TMEM67: variants seen among roughly 807,000 people sequenced by gnomAD.
TMEM67 encodes meckelin.
A neutral mutation model predicts 136.6 loss-of-function variants in TMEM67; 124 were observed. The ratio of observed to expected loss-of-function variants is 0.91; its 90% CI spans 0.78 to 1.05. The LOEUF is 1.05. Ranked by LOEUF, TMEM67 falls within the 50% of genes least tolerant of loss-of-function variation. The pLI is 0.00. For synonymous variants in TMEM67, 364 were observed against 390.5 expected, an observed-to-expected ratio of 0.93 and a Z score of 0.80; for missense variants, 1,107 against 1,178.4, an observed-to-expected ratio of 0.94 and a Z score of 0.89.
chr8:93,796,259 A>C (rs898800229), intron 18 of TMEM67, among the ~76,000 whole-genome samples: 2 of 152,188 alleles, frequency 1.3e-5, no homozygotes, highest in Admixed American at 6.5e-5. Flanking sequence ...TTAAAGTCTG[A>C]TGATACATTC....
At chr8:93,774,077 C>T (rs1425044679) in intron 7 of TMEM67, among the ~76,000 whole-genome samples, 1 of 151,474 alleles carries the variant, frequency 6.6e-6, no homozygotes, top group African/African-American at 2.4e-5. Flanking sequence ...CTGGAGTGCA[C>T]AATCTCGACT....
rs1198112249 is a variant in TMEM67 at position 93,809,784 on chromosome 8, G to A, written c.2662-1G>A. On this transcript the variant is annotated splice_acceptor_variant, in intron 25 of 27. Transcript: ENST00000453321. LOFTEE classifies it high-confidence loss of function. Reference sequence around the variant, plus strand: ...AATGATGCTGTCTTTTTCTTTATTAGGTTCATAAGGAAATGGATTACTTTA... The same window carrying A: ...AATGATGCTGTCTTTTTCTTTATTAAGTTCATAAGGAAATGGATTACTTTA... 1.3e-6 allele frequency: 2 copies of A among 1,505,180 alleles called. No individual in the cohort carries two copies. The highest frequency in any genetic ancestry group is 2.8e-5 in the African/African-American group (2 of 72,480). The allele number at this position is 1,505,180 out of a possible 1,614,324, so 93.2% of individuals were successfully genotyped here. A position where few individuals can be genotyped will look rare whatever the true frequency, so the allele number is the denominator to read the frequency against.
chr8:93,798,091 A>G lies in TMEM67; in HGVS notation c.2100+621A>G, dbSNP rs1814701307. Among the ~76,000 whole-genome samples the G allele has an allele frequency of 3.3e-5, 5 of 152,170 alleles. No individual in the cohort carries two copies. The South Asian group carries it at 1.0e-3, about 32-fold the overall frequency. On this transcript the variant is annotated intron_variant, in intron 20 of 27. Transcript: ENST00000453321. ...CTTCATCTTGCAAAACTGAAACTCT[A>G]TACCCCTTAAACAACTCTGTACCCA... is the stretch of plus-strand genomic sequence containing the variant.
chr8:93,802,340 C>T (rs562109770), intron 21 of TMEM67, among the ~76,000 whole-genome samples: 9 of 152,322 alleles, frequency 5.9e-5, no homozygotes, highest in Non-Finnish European at 1.2e-4. Flanking sequence ...TTGGCTAGAA[C>T]TTAATTGCAT....
chr8:93,811,939 C>CAGGAGTTCG (rs1808719396), intron 26 of TMEM67, among the ~76,000 whole-genome samples: 1 of 151,596 alleles, frequency 6.6e-6, no homozygotes, highest in Non-Finnish European at 1.5e-5. Flanking sequence ...CACCTGAGGT[C>CAGGAGTTCG]AGGAGTTCGA....
At chr8:93,755,921 TC>T (rs1385984160) in intron 2 of TMEM67, 55 bp downstream of exon 2, 1 of 932,878 alleles carries the variant, frequency 1.1e-6, no homozygotes, top group Non-Finnish European at 1.7e-6. Context: ...AAGTTAAATA[TC>T]TTTATTTTTC....
intron 20 of TMEM67, among the ~76,000 whole-genome samples, chr8:93,798,292 A>G (rs1161608855): frequency 3.3e-5 from 5 of 152,156 alleles, no homozygotes; most frequent in South Asian, 2.1e-4. Flanking sequence ...CTATGTGTTG[A>G]TTTAGTAGCT....
rs757442751 is a variant in TMEM67, at chr8:93,799,764, G to A, written c.2241+6G>A. 1 of 1,610,292 alleles carries A rather than the reference G, an allele frequency of 6.2e-7. No homozygotes were observed. The highest frequency in any genetic ancestry group is 1.7e-5 in the Admixed American group (1 of 59,996). ...TAGCCATTGGAATTATACAGGTAAG[G>A]AATTATACAGGTAATATTACTTCTA... On this transcript the variant is annotated splice_donor_region_variant and intron_variant, in intron 21 of 27. Coordinates refer to ENST00000453321, the MANE Select transcript of TMEM67 (RefSeq NM_153704.6).
At chr8:93,790,281 C>T (rs559194011) in intron 14 of TMEM67, among the ~76,000 whole-genome samples, 11 of 152,076 alleles carry the variant, frequency 7.2e-5, no homozygotes, top group African/African-American at 2.2e-4. Context: ...TTAAGATTTC[C>T]TCTTTAATAT....
intron 22 of TMEM67, among the ~76,000 whole-genome samples, chr8:93,804,401 ACCT>A (rs1430161242): frequency 8.0e-6 from 1 of 125,108 alleles, no homozygotes; most frequent in Non-Finnish European, 1.6e-5. Flanking sequence ...TGCAACCTTG[ACCT>A]CCTGAGTTCA....
rs746707583 is a variant in TMEM67, at chr8:93,786,217, T to C, written c.1289-6T>C. The C allele has an allele frequency of 2.5e-6, 4 of 1,613,290 alleles. No homozygotes were observed. The South Asian group carries it at 3.3e-5, about 13-fold the overall frequency. On this transcript the variant is annotated splice_region_variant and splice_polypyrimidine_tract_variant and intron_variant, in intron 12 of 27. Coordinates refer to ENST00000453321, the MANE Select transcript of TMEM67 (RefSeq NM_153704.6). Reference sequence around the variant, plus strand: ...GCAGTAAACTTTTTTCTTTTTATAATAAAAGACAGCAACTCTGGAAAGTGG... The same window carrying C: ...GCAGTAAACTTTTTTCTTTTTATAACAAAAGACAGCAACTCTGGAAAGTGG...
intron 15 of TMEM67, among the ~76,000 whole-genome samples, chr8:93,791,611 A>G (rs1336170385): frequency 1.3e-5 from 2 of 152,162 alleles, no homozygotes; most frequent in Admixed American, 1.3e-4. Context: ...AGTGTTTTAC[A>G]ATGTGTGACA....
chr8:93,791,438 T>G, intron 15 of TMEM67, 119 bp downstream of exon 15: 1 of 686,370 alleles, frequency 1.5e-6, no homozygotes, highest in Non-Finnish European at 2.6e-6. Context: ...ACTCCCCTAA[T>G]GTTAGCATAC....
At chr8:93,760,573 G>A (rs1396958771) in intron 3 of TMEM67, among the ~76,000 whole-genome samples, 2 of 151,864 alleles carry the variant, frequency 1.3e-5, no homozygotes, top group Non-Finnish European at 2.9e-5. Flanking sequence ...ACAGGCCTAA[G>A]TATGACCAAA....
chr8:93,775,634 G>A (rs968918673), intron 7 of TMEM67, among the ~76,000 whole-genome samples: 2 of 152,038 alleles, frequency 1.3e-5, no homozygotes, highest in Non-Finnish European at 2.9e-5. Context: ...TCTTGTTTTT[G>A]TCAGGTTTGT....
At chr8:93,787,468 C>T (rs549550425) in intron 13 of TMEM67, among the ~76,000 whole-genome samples, 1 of 152,230 alleles carries the variant, frequency 6.6e-6, no homozygotes, top group South Asian at 2.1e-4. Context: ...ATCTTATCTG[C>T]CTTTCTTTAG....
At chr8:93,803,757 C>A in intron 22 of TMEM67, 73 bp downstream of exon 22, 1 of 924,002 alleles carries the variant, frequency 1.1e-6, no homozygotes, top group Non-Finnish European at 1.8e-6. Flanking sequence ...TTAAGAGAGA[C>A]TTTAAAAGTG....
Position 93,786,310 on chromosome 8 carries a change from C to G in TMEM67, c.1376C>G (p.Pro459Arg). 2 of 1,613,958 alleles carry G rather than the reference C, an allele frequency of 1.2e-6. No homozygotes were observed. Among genetic ancestry groups the G allele is most frequent in the South Asian group, 1.1e-5 (1 of 91,082 alleles). Residue 459 changes from proline (P) to arginine (R), a missense_variant, in exon 13 of 28, where the codon CCA becomes CGA. Transcript: ENST00000453321. ...SGRENDLGTQ[P>R]RVIRVATQIS... ...CGAGAAAATGACTTAGGAACTCAGCCAAGAGTAATTCGAGTTGCTACTCAA... is the reference window on the plus strand; with the variant it reads ...CGAGAAAATGACTTAGGAACTCAGCGAAGAGTAATTCGAGTTGCTACTCAA...
At chr8:93,774,363 T>C (rs1291579221) in intron 7 of TMEM67, among the ~76,000 whole-genome samples, 1 of 152,222 alleles carries the variant, frequency 6.6e-6, no homozygotes, top group African/African-American at 2.4e-5. Flanking sequence ...TTTTTATTTA[T>C]TTCTTTTTTG....
Sources: allele counts gnomAD v4.1 joint callset (sites outside exome capture counted in the v4.1 genomes callset), GRCh38; gene constraint gnomAD v4.1.1; transcripts MANE v1.5; gene names NCBI Gene and HGNC (gene_info 2026-07-23, HGNC 2026-07-21).